KIF24: variants seen among roughly 807,000 people sequenced by gnomAD.
KIF24 encodes the protein kinesin family member 24.
In KIF24, 81 loss-of-function variants were observed where a neutral mutation model predicts 118.9. That is an observed-to-expected ratio of 0.68 (90% CI 0.57 to 0.82). KIF24 has a LOEUF of 0.82. Among genes scored for constraint, KIF24 ranks in the 40% least tolerant of loss-of-function variants. KIF24 has a pLI of 0.00. For synonymous variants in KIF24, 599 were observed against 610.0 expected, an observed-to-expected ratio of 0.98 and a Z score of 0.27; for missense variants, 1,560 against 1,661.6, an observed-to-expected ratio of 0.94 and a Z score of 1.06.
intron 9 of KIF24, among the ~76,000 whole-genome samples, chr9:34,262,671 A>ATATGT (rs1563936594): frequency 8.8e-5 from 3 of 33,986 alleles, no homozygotes; most frequent in Non-Finnish European, 1.1e-4. Flanking sequence ...AAAAAAAAAA[A>ATATGT]AAAAATATAT....
Position 34,254,086 on chromosome 9 carries a change from A to G in KIF24, c.*294T>C. The G allele has an allele frequency of 3.6e-6, 1 of 277,966 alleles. No individual in the cohort carries two copies. The highest frequency in any genetic ancestry group is 6.7e-6 in the Non-Finnish European group (1 of 150,366). The allele number at this position is 277,966 out of a possible 1,614,324, so 17.2% of individuals were successfully genotyped here. On this transcript the variant is annotated 3_prime_UTR_variant, in exon 13 of 13. Coordinates refer to ENST00000402558, the MANE Select transcript of KIF24 (RefSeq NM_194313.4). ...TTATTAGACCCAAATATATTCCCAC[A>G]GGCAAGGGGTTAGTTAATCATATTC...
chr9:34,290,766 A>C (rs992059180), intron 4 of KIF24, among the ~76,000 whole-genome samples: 36 of 151,928 alleles, frequency 2.4e-4, no homozygotes, highest in African/African-American at 8.7e-4. Flanking sequence ...TACCGGGCTA[A>C]TTTTTGTATT....
intron 3 of KIF24, among the ~76,000 whole-genome samples, chr9:34,302,510 G>C (rs1426637124): frequency 1.3e-5 from 2 of 150,630 alleles, no homozygotes; most frequent in East Asian, 3.9e-4. Context: ...CTGTTGCCCA[G>C]GCTGGAGTGC....
intron 1 of KIF24, among the ~76,000 whole-genome samples, chr9:34,324,624 T>C (rs1321688322): frequency 6.6e-6 from 1 of 152,220 alleles, no homozygotes; most frequent in Non-Finnish European, 1.5e-5. Flanking sequence ...AAAGCAGTTA[T>C]AACAATGCTG....
At chr9:34,319,420 C>A in intron 1 of KIF24, 1 of 986,120 alleles carries the variant, frequency 1.0e-6, no homozygotes, top group Non-Finnish European at 1.6e-6. Context: ...TCACGCATGC[C>A]ACACAAGAAG....
intron 5 of KIF24, among the ~76,000 whole-genome samples, chr9:34,288,794 A>C (rs1836144148): frequency 6.6e-6 from 1 of 151,484 alleles, no homozygotes; most frequent in African/African-American, 2.4e-5. Context: ...CAATTCATTA[A>C]AGAAATGCGT....
chr9:34,305,877 A>T (rs1836895391), intron 3 of KIF24, among the ~76,000 whole-genome samples: 1 of 152,204 alleles, frequency 6.6e-6, no homozygotes, highest in African/African-American at 2.4e-5. Context: ...AAGCACTGGG[A>T]TTATAGGCGT....
At chr9:34,282,015 G>A (rs1052357835) in intron 6 of KIF24, among the ~76,000 whole-genome samples, 2 of 152,060 alleles carry the variant, frequency 1.3e-5, no homozygotes, top group Non-Finnish European at 2.9e-5. Context: ...GTATGGCCCA[G>A]CGATTTCACT....
At chr9:34,279,680 A>G (rs1372696765) in intron 6 of KIF24, among the ~76,000 whole-genome samples, 1 of 152,244 alleles carries the variant, frequency 6.6e-6, no homozygotes, top group East Asian at 1.9e-4. Flanking sequence ...GGGTGATCTG[A>G]GAGGGTAATA....
Position 34,282,296 on chromosome 9 carries a change from A to AT in KIF24, c.1215+4320_1215+4321insA, listed in dbSNP as rs1333557206. 2.0e-5 allele frequency among the ~76,000 whole-genome samples: 3 copies of AT among 152,204 alleles called. 1 individual carries two copies. The highest frequency in any genetic ancestry group is 4.4e-5 in the Non-Finnish European group (3 of 68,036). On this transcript the variant is annotated intron_variant, in intron 6 of 12. Transcript: ENST00000402558. ...CCAGACAAAAGGTTGCATATTGTAT[A>AT]ATTCTGTTTATATGATACGGACAGA...
intron 6 of KIF24, among the ~76,000 whole-genome samples, chr9:34,275,619 T>A (rs1375037491): frequency 6.6e-6 from 1 of 152,052 alleles, no homozygotes; most frequent in Non-Finnish European, 1.5e-5. Context: ...GGCGGGTGGA[T>A]CACGAGGTCA....
intron 2 of KIF24, among the ~76,000 whole-genome samples, chr9:34,309,100 CAAAT>C (rs1587963660): frequency 1.4e-5 from 1 of 71,380 alleles, no homozygotes; most frequent in Non-Finnish European, 4.0e-5. Context: ...AACAAACAAA[CAAAT>C]AAACAAAAGA....
intron 9 of KIF24, among the ~76,000 whole-genome samples, chr9:34,262,033 G>A (rs899665907): frequency 6.6e-6 from 1 of 152,058 alleles, no homozygotes; most frequent in Admixed American, 6.6e-5. Context: ...TCCAGGGCTC[G>A]AGTAATCCTC....
intron 9 of KIF24, 144 bp from the exon 10 acceptor site, chr9:34,259,849 G>A: frequency 6.8e-6 from 4 of 585,824 alleles, no homozygotes; most frequent in African/African-American, 1.9e-5. Context: ...AAATACAAAT[G>A]GCCAATAAAC....
At chr9:34,286,384 A>G (rs1160148014) in intron 6 of KIF24, among the ~76,000 whole-genome samples, 2 of 152,268 alleles carry the variant, frequency 1.3e-5, no homozygotes, top group South Asian at 2.1e-4. Context: ...GTATCCTCCC[A>G]ATGAATTAAG....
At chr9:34,285,093 T>C (rs1028586235) in intron 6 of KIF24, among the ~76,000 whole-genome samples, 14 of 152,190 alleles carry the variant, frequency 9.2e-5, no homozygotes, top group Admixed American at 9.2e-4. Flanking sequence ...GGGGTATGTA[T>C]AGTAAGTTAG....
At chr9:34,283,822 A>AT (rs1267028290) in intron 6 of KIF24, among the ~76,000 whole-genome samples, 1 of 152,210 alleles carries the variant, frequency 6.6e-6, no homozygotes, top group Non-Finnish European at 1.5e-5. Flanking sequence ...GGAAATGCAA[A>AT]TTAAAACCCC....
At chr9:34,326,394 C>G (rs1837673969) in intron 1 of KIF24, among the ~76,000 whole-genome samples, 1 of 152,072 alleles carries the variant, frequency 6.6e-6, no homozygotes, top group African/African-American at 2.4e-5. Context: ...AAGGTCCCTG[C>G]CCTCATGACA....
rs1006729011 is a variant in KIF24 at position 34,263,271 on chromosome 9, C to T, written c.1444-99G>A. ...AGGAAGCTTGTTTTTCTTCAATAAA[C>T]CACACTCAGACAATCCTCCAAAAGG... On this transcript the variant is annotated intron_variant, in intron 8 of 12. Transcript: ENST00000402558. 3.6e-6 allele frequency: 3 copies of T among 823,094 alleles called. No homozygotes were observed. In the Admixed American group the frequency reaches 6.0e-5, roughly 16 times the overall value. The allele number at this position is 823,094 out of a possible 1,614,324, so 51.0% of individuals were successfully genotyped here.
Sources: allele counts gnomAD v4.1 joint callset (sites outside exome capture counted in the v4.1 genomes callset), GRCh38; gene constraint gnomAD v4.1.1; transcripts MANE v1.5; gene names NCBI Gene and HGNC (gene_info 2026-07-23, HGNC 2026-07-21).